PDE7B: variants seen among roughly 807,000 people sequenced by gnomAD.
PDE7B encodes the protein 3',5'-cyclic-AMP phosphodiesterase 7B.
A neutral mutation model predicts 56.2 loss-of-function variants in PDE7B; 29 were observed. That is an observed-to-expected ratio of 0.52 (90% CI 0.38 to 0.70). The LOEUF (loss-of-function observed/expected upper bound fraction) is 0.70, where lower values mean the gene tolerates loss of function less well. PDE7B is among the 30% of genes least tolerant of loss of function. The pLI is 0.00. For missense variants in PDE7B, 490 were observed against 565.0 expected, an observed-to-expected ratio of 0.87 and a Z score of 1.35; for synonymous variants, 197 against 196.9, an observed-to-expected ratio of 1.00 and a Z score of 0.00.
chr6:135,939,313 G>T (rs185050482), intron 1 of PDE7B, among the ~76,000 whole-genome samples: 1 of 152,038 alleles, frequency 6.6e-6, no homozygotes, highest in Non-Finnish European at 1.5e-5. Context: ...TTTTGCTGGT[G>T]TGTCTCTTAT....
intron 2 of PDE7B, among the ~76,000 whole-genome samples, chr6:136,088,802 C>T (rs1415482023): frequency 1.3e-5 from 2 of 151,708 alleles, no homozygotes; most frequent in African/African-American, 4.8e-5. Context: ...GCCATTGAAT[C>T]GTACACTTTA....
chr6:136,056,512 CTTTTTTTTTTTTTTTTTTTTTT>C (rs542232291), intron 2 of PDE7B, among the ~76,000 whole-genome samples: 24 of 53,940 alleles, frequency 4.4e-4, no homozygotes, highest in Admixed American at 5.5e-4. Context: ...AGATAGAATC[CTTTTTTTTTTTTTTTTTTTTTT>C]TTTTTTTTTT....
rs1777366977 is a variant in PDE7B, at chr6:136,090,320, C to T, written c.83-18411C>T. ...CATAAAGTTGGTGATCAGTTATTAT[C>T]AAAGGAACACTACAAATGTAAAGTT... is the stretch of plus-strand genomic sequence containing the variant. On this transcript the variant is annotated intron_variant, in intron 2 of 12. Coordinates refer to ENST00000308191, the MANE Select transcript of PDE7B (RefSeq NM_018945.4). Among the ~76,000 whole-genome samples the T allele has an allele frequency of 3.3e-5, 5 of 152,266 alleles. No individual in the cohort carries two copies. The South Asian group carries it at 1.0e-3, about 32-fold the overall frequency.
chr6:136,174,193 C>G (rs536184121), intron 9 of PDE7B, among the ~76,000 whole-genome samples: 2 of 152,124 alleles, frequency 1.3e-5, no homozygotes, highest in Admixed American at 6.5e-5. Context: ...AAATTCCCGA[C>G]CTTTAGTTTA....
At chr6:136,008,075 C>T (rs1003474451) in intron 2 of PDE7B, among the ~76,000 whole-genome samples, 9 of 148,770 alleles carry the variant, frequency 6.0e-5, no homozygotes, top group East Asian at 2.0e-4. Context: ...TGAGTGAGAA[C>T]GTGCAGTGTT....
intron 8 of PDE7B, among the ~76,000 whole-genome samples, chr6:136,161,452 A>T (rs542204479): frequency 8.9e-4 from 135 of 152,316 alleles, no homozygotes; most frequent in African/African-American, 3.0e-3. Flanking sequence ...CTAAGAATAC[A>T]CAGAGAGTAC....
At position 136,070,583 on chromosome 6, in the gene PDE7B, C is replaced by A. The variant is rs555975578; in HGVS notation, c.83-38148C>A. Among the ~76,000 whole-genome samples the A allele has an allele frequency of 3.3e-5, 5 of 152,080 alleles. No homozygotes were observed. The South Asian group carries it at 1.0e-3, about 32-fold the overall frequency. On this transcript the variant is annotated intron_variant, in intron 2 of 12. Transcript: ENST00000308191. ...TAAAAGGTTAGTTAATGGCATTGAT[C>A]CAGATAGAATAGCATTTTAGTCCTT... is the stretch of plus-strand genomic sequence containing the variant.
At chr6:136,161,759 G>A (rs1322402540) in intron 8 of PDE7B, among the ~76,000 whole-genome samples, 1 of 152,084 alleles carries the variant, frequency 6.6e-6, no homozygotes, top group Non-Finnish European at 1.5e-5. Context: ...AACTTTTGTA[G>A]CTACTGAACT....
At chr6:136,165,606 A>T (rs1022600312) in intron 8 of PDE7B, 2 of 152,320 alleles carry the variant, frequency 1.3e-5, no homozygotes, top group East Asian at 1.9e-4. Flanking sequence ...ACAATCTGTC[A>T]TCTCTTGGTA....
intron 2 of PDE7B, among the ~76,000 whole-genome samples, chr6:136,000,644 T>C (rs1775649769): frequency 6.6e-6 from 1 of 152,198 alleles, no homozygotes; most frequent in Non-Finnish European, 1.5e-5. Context: ...GCTGTTTTGG[T>C]TACTGTAGCC....
At chr6:135,926,206 C>T (rs1421424445) in intron 1 of PDE7B, among the ~76,000 whole-genome samples, 2 of 151,632 alleles carry the variant, frequency 1.3e-5, no homozygotes, top group Non-Finnish European at 2.9e-5. Flanking sequence ...CCTGCCTCAG[C>T]CTCCCGAGCA....
At chr6:136,121,039 A>G (rs1777925472) in intron 3 of PDE7B, among the ~76,000 whole-genome samples, 1 of 152,112 alleles carries the variant, frequency 6.6e-6, no homozygotes, top group South Asian at 2.1e-4. Flanking sequence ...CTCTGTGGGT[A>G]ATATCATCTA....
At chr6:136,055,352 T>C (rs1386174228) in intron 2 of PDE7B, among the ~76,000 whole-genome samples, 4 of 152,234 alleles carry the variant, frequency 2.6e-5, no homozygotes, top group Non-Finnish European at 5.9e-5. Flanking sequence ...TTGAAAGTAT[T>C]CTTTACTTCT....
intron 1 of PDE7B, among the ~76,000 whole-genome samples, chr6:135,869,642 T>G (rs1412902245): frequency 6.6e-6 from 1 of 152,140 alleles, no homozygotes; most frequent in Non-Finnish European, 1.5e-5. Context: ...TTTCAGAGAT[T>G]GCTAAATCTA....
intron 3 of PDE7B, among the ~76,000 whole-genome samples, chr6:136,120,258 A>T (rs1777907843): frequency 6.6e-6 from 1 of 152,190 alleles, no homozygotes; most frequent in Non-Finnish European, 1.5e-5. Context: ...CTTTTTTCTG[A>T]CAGGTATTTA....
intron 2 of PDE7B, among the ~76,000 whole-genome samples, chr6:135,999,153 A>G (rs552002606): frequency 4.3e-4 from 66 of 152,362 alleles, no homozygotes; most frequent in African/African-American, 1.6e-3. Flanking sequence ...TGGGAAGGAC[A>G]TAGATATTGT....
At chr6:136,059,095 CA>C (rs1776792216) in intron 2 of PDE7B, among the ~76,000 whole-genome samples, 1 of 152,070 alleles carries the variant, frequency 6.6e-6, no homozygotes, top group African/African-American at 2.4e-5. Flanking sequence ...TGCTTTGGGC[CA>C]GGGGTGGTCT....
chr6:136,057,903 A>AT (rs1698862639), intron 2 of PDE7B, among the ~76,000 whole-genome samples: 1 of 151,872 alleles, frequency 6.6e-6, no homozygotes, highest in East Asian at 1.9e-4. Flanking sequence ...CGCCTGACTA[A>AT]TTTTTTTATT....
At chr6:135,856,537 T>C (rs924977078) in intron 1 of PDE7B, among the ~76,000 whole-genome samples, 1 of 152,222 alleles carries the variant, frequency 6.6e-6, no homozygotes, top group Non-Finnish European at 1.5e-5. Context: ...GTATCTGCTC[T>C]GAGACCTTGC....
Sources: gnomAD v4.1 joint callset for allele counts (sites outside exome capture counted in the v4.1 genomes callset) on GRCh38, gnomAD v4.1.1 for gene constraint, MANE v1.5 for transcripts, NCBI Gene and HGNC (gene_info 2026-07-23, HGNC 2026-07-21) for gene names.